Variants in ABI2 observed in about 807,000 individuals in gnomAD.
ABI2 encodes the protein abl interactor 2, also known as abelson interactor 2.
A neutral mutation model predicts 59.2 loss-of-function variants in ABI2; 25 were observed. The ratio of observed to expected loss-of-function variants is 0.42; its 90% confidence interval spans 0.31 to 0.59. The LOEUF (loss-of-function observed/expected upper bound fraction) is 0.59, where lower values mean the gene tolerates loss of function less well. Ranked by LOEUF, ABI2 falls within the 20% of genes least tolerant of loss-of-function variation. The pLI is 0.14. For missense variants in ABI2, 545 were observed against 681.8 expected, an observed-to-expected ratio of 0.80 and a Z score of 2.23; for synonymous variants, 213 against 235.5, an observed-to-expected ratio of 0.90 and a Z score of 0.87.
chr2:203,384,316 T>TTTG (rs2096355466), intron 4 of ABI2, among the ~76,000 whole-genome samples: 1 of 147,200 alleles, frequency 6.8e-6, no homozygotes, highest in African/African-American at 2.5e-5. Context: ...TTTTTTTTTT[T>TTTG]TTTTTTTTGA....
At chr2:203,410,770 C>T (rs962881191) in intron 9 of ABI2, among the ~76,000 whole-genome samples, 2 of 152,110 alleles carry the variant, frequency 1.3e-5, no homozygotes, top group African/African-American at 4.8e-5. Flanking sequence ...TACTTGCCTA[C>T]AATTAGAGTA....
intron 2 of ABI2, among the ~76,000 whole-genome samples, chr2:203,376,733 C>CTTTTTTTTTTTTTTTTTTTTTTCTTT (rs370295013): frequency 8.7e-6 from 1 of 114,898 alleles, no homozygotes; most frequent in African/African-American, 3.2e-5. Flanking sequence ...TTGGTCTTCC[C>CTTTTTTTTTTTTTTTTTTTTTTCTTT]TTTTTTTTTT....
intron 1 of ABI2, among the ~76,000 whole-genome samples, chr2:203,358,196 A>G (rs892541152): frequency 4.7e-5 from 7 of 148,770 alleles, no homozygotes; most frequent in Non-Finnish European, 8.9e-5. Context: ...ATAGCTCGCT[A>G]TATCTTCACT....
chr2:203,355,555 C>T (rs1017691020), intron 1 of ABI2, among the ~76,000 whole-genome samples: 3 of 151,110 alleles, frequency 2.0e-5, no homozygotes, highest in South Asian at 2.1e-4. Flanking sequence ...AGAGGCCAGG[C>T]GCAGTGGCTC....
chr2:203,414,005 T>C lies in ABI2; in HGVS notation c.1279+2634T>C, dbSNP rs140777044. Among the ~76,000 whole-genome samples, 759 of 152,240 alleles carry C rather than the reference T, an allele frequency of 5.0e-3. 11 individuals are homozygous for C. Among genetic ancestry groups the C allele is most frequent in the African/African-American group, 0.017 (727 of 41,552 alleles). Reference sequence around the variant, plus strand: ...TAGAGTCCAAACTGCTGTAAGGCCCTTCCTGCCTCATCCTCTTCAGCTTCC... The same window carrying C: ...TAGAGTCCAAACTGCTGTAAGGCCCCTCCTGCCTCATCCTCTTCAGCTTCC... On this transcript the variant is annotated intron_variant, in intron 10 of 11. Coordinates refer to ENST00000261018, the MANE Select transcript of ABI2 (RefSeq NM_001375670.1).
intron 4 of ABI2, among the ~76,000 whole-genome samples, chr2:203,382,721 T>A (rs936140308): frequency 6.6e-6 from 1 of 152,100 alleles, no homozygotes. Context: ...ATAAAGAAAT[T>A]GAGAAGCAGA....
At position 203,330,834 on chromosome 2, in the gene ABI2, T is replaced by C. The variant is rs2072784389; in HGVS notation, c.117+2203T>C. ...AGTTCCTCTTAAGTTATAATTGCTA[T>C]ATAAAGGTAAAAGGATAAGGATTAT... On this transcript the variant is annotated intron_variant, in intron 1 of 11. Coordinates refer to ENST00000261018, the MANE Select transcript of ABI2 (RefSeq NM_001375670.1). 2.6e-5 allele frequency among the ~76,000 whole-genome samples: 4 copies of C among 152,334 alleles called. No homozygotes were observed. The South Asian group carries it at 8.3e-4, about 32-fold the overall frequency.
At chr2:203,351,341 AT>A (rs1257262921) in intron 1 of ABI2, among the ~76,000 whole-genome samples, 1 of 152,070 alleles carries the variant, frequency 6.6e-6, no homozygotes, top group Non-Finnish European at 1.5e-5. Context: ...TTCCATATAA[AT>A]TTTAGGATCA....
At chr2:203,386,238 A>G (rs1390772471) in intron 4 of ABI2, among the ~76,000 whole-genome samples, 1 of 152,084 alleles carries the variant, frequency 6.6e-6, no homozygotes, top group African/African-American at 2.4e-5. Flanking sequence ...TTTCACATAC[A>G]GACACAACCT....
chr2:203,368,991 T>C (rs1332152480), intron 2 of ABI2, among the ~76,000 whole-genome samples: 1 of 115,914 alleles, frequency 8.6e-6, no homozygotes, highest in Non-Finnish European at 1.8e-5. Flanking sequence ...CTGATTTTTT[T>C]TTTTTTTTTT....
intron 1 of ABI2, among the ~76,000 whole-genome samples, chr2:203,342,450 G>C (rs77824896): frequency 1.5e-3 from 232 of 152,202 alleles, no homozygotes; most frequent in African/African-American, 5.3e-3. Flanking sequence ...AGTTGAATAG[G>C]GGAAGCCAAC....
intron 11 of ABI2, among the ~76,000 whole-genome samples, chr2:203,421,910 G>C (rs2098225957): frequency 6.9e-6 from 1 of 144,342 alleles, no homozygotes; most frequent in East Asian, 2.0e-4. Context: ...CTTGCAGTGA[G>C]CCAAGATCAC....
At chr2:203,343,500 CTATT>C (rs1317749661) in intron 1 of ABI2, among the ~76,000 whole-genome samples, 1 of 151,730 alleles carries the variant, frequency 6.6e-6, no homozygotes, top group Non-Finnish European at 1.5e-5. Flanking sequence ...ATTTCTAGGA[CTATT>C]TATTTATTTT....
At chr2:203,364,448 G>A (rs1205418570) in intron 1 of ABI2, among the ~76,000 whole-genome samples, 3 of 152,150 alleles carry the variant, frequency 2.0e-5, no homozygotes, top group Non-Finnish European at 4.4e-5. Flanking sequence ...CTGTGTGAAA[G>A]GCGAGAATTC....
At chr2:203,366,725 A>G (rs2094484692) in intron 1 of ABI2, 152 bp from the exon 2 acceptor site, 2 of 651,418 alleles carry the variant, frequency 3.1e-6, no homozygotes, top group Non-Finnish European at 4.8e-6. Context: ...TTTGGGGTTT[A>G]TGTGATACCA....
chr2:203,350,961 C>A (rs1354212395), intron 1 of ABI2, among the ~76,000 whole-genome samples: 1 of 151,802 alleles, frequency 6.6e-6, no homozygotes, highest in African/African-American at 2.4e-5. Flanking sequence ...TGAAGATTTT[C>A]TCCTAGGAGT....
intron 11 of ABI2, among the ~76,000 whole-genome samples, chr2:203,419,117 T>A (rs1467865003): frequency 1.3e-5 from 2 of 150,684 alleles, no homozygotes; most frequent in African/African-American, 4.9e-5. Flanking sequence ...TTTTTTTTTT[T>A]TTTTTTTTTG....
intron 2 of ABI2, chr2:203,375,828 C>G (rs887820286): frequency 8.9e-6 from 3 of 338,268 alleles, no homozygotes; most frequent in African/African-American, 6.4e-5. Context: ...ACCTGAGAAT[C>G]TTCTGCTTGT....
At chr2:203,331,686 CTT>C (rs2073664005) in intron 1 of ABI2, among the ~76,000 whole-genome samples, 2 of 151,222 alleles carry the variant, frequency 1.3e-5, no homozygotes, top group African/African-American at 4.9e-5. Context: ...AGCATCATGT[CTT>C]AGCCACTAGC....
Sources: allele counts gnomAD v4.1 joint callset (sites outside exome capture counted in the v4.1 genomes callset), GRCh38; gene constraint gnomAD v4.1.1; transcripts MANE v1.5; gene names NCBI Gene and HGNC (gene_info 2026-07-23, HGNC 2026-07-21).